Variants in PIK3C3 observed in about 807,000 individuals in gnomAD.
PIK3C3 encodes phosphatidylinositol 3-kinase catalytic subunit type 3.
A neutral mutation model predicts 126.1 loss-of-function variants in PIK3C3; 95 were observed. The observed-to-expected ratio is 0.75, with a 90% CI of 0.64 to 0.89. PIK3C3 has a LOEUF of 0.89. PIK3C3 is among the 40% of genes least tolerant of loss of function. The pLI, the probability that PIK3C3 is intolerant of heterozygous loss-of-function variation, is 0.00. For synonymous variants in PIK3C3, 374 were observed against 360.0 expected, an observed-to-expected ratio of 1.04 and a Z score of -0.44; for missense variants, 829 against 1,063.2, an observed-to-expected ratio of 0.78 and a Z score of 3.06.
chr18:42,038,484 G>A (rs1213772805), intron 17 of PIK3C3, among the ~76,000 whole-genome samples: 7 of 151,960 alleles, frequency 4.6e-5, no homozygotes, highest in Non-Finnish European at 7.4e-5. Context: ...TGGGACTACA[G>A]GCATGCACCA....
At chr18:42,012,121 C>T (rs570582356) in intron 10 of PIK3C3, among the ~76,000 whole-genome samples, 27 of 151,092 alleles carry the variant, frequency 1.8e-4, no homozygotes, top group Non-Finnish European at 3.1e-4. Flanking sequence ...TGAATGCATG[C>T]TGTTGGAAAA....
At chr18:41,961,293 T>G (rs1411046186) in intron 2 of PIK3C3, among the ~76,000 whole-genome samples, 3 of 152,240 alleles carry the variant, frequency 2.0e-5, no homozygotes, top group African/African-American at 4.8e-5. Context: ...AATTAACTTC[T>G]GTGGTTTATT....
At chr18:41,986,061 G>A (rs1981458661) in intron 4 of PIK3C3, among the ~76,000 whole-genome samples, 1 of 152,090 alleles carries the variant, frequency 6.6e-6, no homozygotes, top group Non-Finnish European at 1.5e-5. Flanking sequence ...TTCACTTAAA[G>A]CTCTTAGTAC....
chr18:42,066,866 A>G (rs1440252545), intron 23 of PIK3C3, among the ~76,000 whole-genome samples: 2 of 152,068 alleles, frequency 1.3e-5, no homozygotes, highest in Non-Finnish European at 2.9e-5. Context: ...ATTCAATAGG[A>G]AAGGAAACCT....
intron 13 of PIK3C3, chr18:42,025,954 C>G (rs1386628933): frequency 6.6e-6 from 1 of 152,170 alleles, no homozygotes; most frequent in Non-Finnish European, 1.5e-5. Context: ...GCCCTCAGCT[C>G]TCATGAAGTT....
chr18:42,045,674 C>T (rs1021095390), intron 20 of PIK3C3, among the ~76,000 whole-genome samples: 3 of 152,082 alleles, frequency 2.0e-5, no homozygotes, highest in Non-Finnish European at 2.9e-5. Context: ...TTCTGTTGTT[C>T]AGAGCAGTCC....
chr18:42,045,509 A>G (rs1166310616), intron 20 of PIK3C3, among the ~76,000 whole-genome samples: 1 of 152,186 alleles, frequency 6.6e-6, no homozygotes, highest in Non-Finnish European at 1.5e-5. Flanking sequence ...ATTGTGAATC[A>G]CCTACACATG....
At chr18:42,041,038 C>T (rs1598922999) in intron 19 of PIK3C3, among the ~76,000 whole-genome samples, 1 of 152,082 alleles carries the variant, frequency 6.6e-6, no homozygotes, top group South Asian at 2.1e-4. Context: ...AAAAATCAGC[C>T]GGGCATGGTG....
At position 41,969,879 on chromosome 18, in the gene PIK3C3, A is replaced by T. The variant is rs530561219; in HGVS notation, c.402-448A>T. ...TTATGTGGGTAATAGCACAGCTGTGATTCAAGTACAGGCAGTTTGACTATA... is the reference window on the plus strand; with the variant it reads ...TTATGTGGGTAATAGCACAGCTGTGTTTCAAGTACAGGCAGTTTGACTATA... On this transcript the variant is annotated intron_variant, in intron 3 of 24. Transcript: ENST00000262039. Among the ~76,000 whole-genome samples, 4 of 152,342 alleles carry T rather than the reference A, an allele frequency of 2.6e-5. No homozygotes were observed. In the South Asian group the frequency reaches 8.3e-4, roughly 32 times the overall value.
At chr18:42,041,500 T>TA (rs398041323) in intron 19 of PIK3C3, among the ~76,000 whole-genome samples, 4 of 151,042 alleles carry the variant, frequency 2.6e-5, no homozygotes, top group Non-Finnish European at 4.4e-5. Context: ...TTTTTTTTTT[T>TA]ACCCTTTAAA....
intron 9 of PIK3C3, among the ~76,000 whole-genome samples, chr18:42,002,764 A>G (rs1423428429): frequency 6.6e-6 from 1 of 152,220 alleles, no homozygotes; most frequent in African/African-American, 2.4e-5. Flanking sequence ...TGAAATGATT[A>G]GAAGAGAAAC....
intron 7 of PIK3C3, 78 bp from the exon 8 acceptor site, chr18:41,995,812 C>A: frequency 2.1e-6 from 2 of 968,798 alleles, no homozygotes; most frequent in Non-Finnish European, 3.3e-6. Context: ...CTCCTAAGTA[C>A]CTTTTCTATT....
Position 41,955,359 on chromosome 18 carries a change from T to C in PIK3C3, c.68T>C (p.Ile23Thr). ...CDLDINVQLK[I>T]GSLEGKREQK... The stretch of plus-strand genomic sequence containing the variant: ...CTGGATATCAACGTCCAGCTTAAGA[T>C]GTAAGAGAACACTCGGGACAGGGAG... The change falls in exon 1 of 25, where the codon ATA (isoleucine) becomes ACA (threonine). Residue 23 changes from isoleucine (I) to threonine (T), a missense_variant and splice_region_variant. Ile to Thr is a moderately conservative substitution (Grantham distance 89). This residue lies in a region of PIK3C3 where 313 missense variants were observed against 340.7 expected (regional missense o/e 0.92). Coordinates refer to ENST00000262039, the MANE Select transcript of PIK3C3 (RefSeq NM_002647.4). 20 of 1,612,352 alleles carry C rather than the reference T, an allele frequency of 1.2e-5. No homozygotes were observed. The highest frequency in any genetic ancestry group is 1.7e-5 in the Non-Finnish European group (20 of 1,178,926).
rs1979859702 is a variant in PIK3C3 at position 41,957,732 on chromosome 18, C to G, written c.231C>G (p.Ser77=). The change falls in exon 2 of 25, where the codon TCC becomes TCG. Residue 77 remains serine, a synonymous_variant. Coordinates refer to ENST00000262039, the MANE Select transcript of PIK3C3 (RefSeq NM_002647.4). The stretch of plus-strand genomic sequence containing the variant: ...CTTTGGCCTTGCCAGTGAGAACATC[C>G]TACAAAGCATTTAGTACAAGATGGA... ...GKPLALPVRT[S]YKAFSTRWNW... 7 of 1,612,932 alleles carry G rather than the reference C, an allele frequency of 4.3e-6. No homozygotes were observed. The highest frequency in any genetic ancestry group is 5.9e-6 in the Non-Finnish European group (7 of 1,179,616).
intron 4 of PIK3C3, among the ~76,000 whole-genome samples, chr18:41,980,284 G>A (rs992912555): frequency 2.0e-5 from 3 of 152,136 alleles, no homozygotes; most frequent in Admixed American, 6.6e-5. Flanking sequence ...CATAAAGAAA[G>A]TGTCCTTTCT....
chr18:41,990,595 G>A (rs1981727426), intron 6 of PIK3C3, 41 bp downstream of exon 6: 1 of 1,041,424 alleles, frequency 9.6e-7, no homozygotes, highest in Non-Finnish European at 1.5e-6. Flanking sequence ...AAAGTAGAGG[G>A]GAGAGGAAAC....
intron 13 of PIK3C3, among the ~76,000 whole-genome samples, chr18:42,022,066 C>T (rs1394767130): frequency 6.6e-6 from 1 of 152,158 alleles, no homozygotes; most frequent in Admixed American, 6.5e-5. Context: ...CTCCCACTCT[C>T]CAGAGGTAAT....
rs477256 is a variant in PIK3C3, at chr18:42,085,883, T to C, written c.*4746T>C. 76,165 of 152,024 alleles carry C rather than the reference T, an allele frequency of 0.5. 20,832 individuals are homozygous for C. The highest frequency in any genetic ancestry group is 0.73 in the African/African-American group (30,263 of 41,424). 9.4% of individuals were successfully genotyped at this position (152,024 alleles called of 1,614,324 possible). Reference sequence around the variant, plus strand: ...GGCAGATCACTTGAGCCCAGGAGTTTGAGACCAGCCCGGGCAACATGGTGA... The same window carrying C: ...GGCAGATCACTTGAGCCCAGGAGTTCGAGACCAGCCCGGGCAACATGGTGA... On this transcript the variant is annotated 3_prime_UTR_variant, in exon 25 of 25. Transcript: ENST00000262039.
intron 1 of PIK3C3, 95 bp downstream of exon 1, chr18:41,955,454 T>A: frequency 9.3e-7 from 1 of 1,073,954 alleles, no homozygotes; most frequent in Non-Finnish European, 1.4e-6. Context: ...AGTACGTGAC[T>A]CGTCTCAAGG....
Sources: gnomAD v4.1 joint callset for allele counts (sites outside exome capture counted in the v4.1 genomes callset) on GRCh38, gnomAD v4.1.1 for gene constraint, gnomAD v4.1.1 regional missense constraint, MANE v1.5 for transcripts, NCBI Gene and HGNC (gene_info 2026-07-23, HGNC 2026-07-21) for gene names.